KCNMA1: variants seen among roughly 807,000 people sequenced by gnomAD.
KCNMA1 encodes potassium calcium-activated channel subfamily M alpha 1.
In KCNMA1, 29 loss-of-function variants were observed where a neutral mutation model predicts 140.0. That is an observed-to-expected ratio of 0.21 (90% confidence interval 0.15 to 0.28). KCNMA1 has a LOEUF of 0.28. KCNMA1 is among the 10% of genes least tolerant of loss of function. KCNMA1 has a pLI of 1.00. For missense variants in KCNMA1, 880 were observed against 1,602.2 expected, an observed-to-expected ratio of 0.55 and a Z score of 7.70; for synonymous variants, 612 against 611.9, an observed-to-expected ratio of 1.00 and a Z score of 0.00.
At chr10:77,301,766 AAATGTTT>A (rs1471610655) in intron 2 of KCNMA1, among the ~76,000 whole-genome samples, 8 of 151,058 alleles carry the variant, frequency 5.3e-5, no homozygotes, top group Admixed American at 4.0e-4. Context: ...ATTGGGCACT[AAATGTTT>A]AATTCTCTGA....
At chr10:77,118,482 C>T (rs1034303668) in intron 6 of KCNMA1, among the ~76,000 whole-genome samples, 7 of 152,152 alleles carry the variant, frequency 4.6e-5, no homozygotes, top group African/African-American at 1.2e-4. Flanking sequence ...CCCTCTTAAC[C>T]TCATCCTCCT....
At chr10:77,260,148 G>A (rs756062908) in intron 2 of KCNMA1, among the ~76,000 whole-genome samples, 2 of 152,136 alleles carry the variant, frequency 1.3e-5, no homozygotes, top group Non-Finnish European at 2.9e-5. Context: ...AGAGCACCGC[G>A]GTGGTAGAGG....
At chr10:77,265,380 T>A (rs1054755613) in intron 2 of KCNMA1, among the ~76,000 whole-genome samples, 7 of 152,210 alleles carry the variant, frequency 4.6e-5, no homozygotes, top group African/African-American at 1.7e-4. Context: ...AAGTTTCAGG[T>A]GATGCTGATG....
At chr10:77,171,251 C>T (rs2098702617) in intron 5 of KCNMA1, among the ~76,000 whole-genome samples, 2 of 152,158 alleles carry the variant, frequency 1.3e-5, no homozygotes. Context: ...TTAACCAGAC[C>T]TCTAGGTGAC....
At chr10:76,987,772 C>T (rs979586219) in intron 19 of KCNMA1, among the ~76,000 whole-genome samples, 5 of 149,066 alleles carry the variant, frequency 3.4e-5, no homozygotes, top group African/African-American at 7.4e-5. Context: ...ATGTGGAGAA[C>T]GGAACTAGGG....
At chr10:76,973,218 C>T (rs2076580730) in intron 19 of KCNMA1, 1 of 152,180 alleles carries the variant, frequency 6.6e-6, no homozygotes. Context: ...TTTAAAGAAA[C>T]CTGACTTCTT....
chr10:77,404,339 C>A (rs937553894), intron 1 of KCNMA1, among the ~76,000 whole-genome samples: 1 of 152,006 alleles, frequency 6.6e-6, no homozygotes, highest in Non-Finnish European at 1.5e-5. Context: ...AGTGCAGTGG[C>A]GCAATCTCGG....
chr10:77,502,574 G>A (rs2044302761), intron 1 of KCNMA1, among the ~76,000 whole-genome samples: 1 of 152,100 alleles, frequency 6.6e-6, no homozygotes, highest in Non-Finnish European at 1.5e-5. Flanking sequence ...TGATTTGGAA[G>A]GAGAAAGAAG....
chr10:77,448,509 A>G (rs1349502562), intron 1 of KCNMA1, among the ~76,000 whole-genome samples: 1 of 152,176 alleles, frequency 6.6e-6, no homozygotes, highest in Non-Finnish European at 1.5e-5. Context: ...TAGTCACTTT[A>G]CATATGAGAC....
At chr10:77,273,841 TATCACA>T (rs1555118668) in intron 2 of KCNMA1, among the ~76,000 whole-genome samples, 21 of 152,284 alleles carry the variant, frequency 1.4e-4, no homozygotes, top group Non-Finnish European at 2.9e-4. Context: ...GCACAGGGGC[TATCACA>T]GAGAACACAT....
At chr10:76,906,719 A>G (rs1418286734) in intron 25 of KCNMA1, among the ~76,000 whole-genome samples, 1 of 152,204 alleles carries the variant, frequency 6.6e-6, no homozygotes, top group Non-Finnish European at 1.5e-5. Context: ...CACTTTCTCA[A>G]TTTATATTCA....
intron 20 of KCNMA1, among the ~76,000 whole-genome samples, chr10:76,967,595 TG>T (rs1371002963): frequency 6.6e-6 from 1 of 152,156 alleles, no homozygotes; most frequent in Non-Finnish European, 1.5e-5. Flanking sequence ...ATGGAGAATG[TG>T]GAGCACCTGG....
chr10:76,977,435 T>C, intron 19 of KCNMA1: 1 of 649,062 alleles, frequency 1.5e-6, no homozygotes, highest in Non-Finnish European at 2.8e-6. Context: ...ATAGCCACAG[T>C]TGTTGGTTTA....
At chr10:77,324,790 T>C (rs578175707) in intron 2 of KCNMA1, among the ~76,000 whole-genome samples, 2 of 152,164 alleles carry the variant, frequency 1.3e-5, no homozygotes, top group African/African-American at 2.4e-5. Context: ...TGTTGGTAGC[T>C]GGAAAGCCAG....
chr10:76,885,972 G>A lies in KCNMA1; in HGVS notation c.*1294C>T. 1.0e-6 allele frequency: 1 copy of A among 985,402 alleles called. No homozygotes were observed. The highest frequency in any genetic ancestry group is 1.2e-6 in the Non-Finnish European group (1 of 829,920). 61.0% of individuals were successfully genotyped at this position (985,402 alleles called of 1,614,324 possible). ...TGCCGTCATTACCCTGCCTAAATTG[G>A]CTACATTAAAGAAAGTGATGATGAG... On this transcript the variant is annotated 3_prime_UTR_variant, in exon 28 of 28. Transcript: ENST00000286628.
In KCNMA1 at chr10:77,082,007, C is replaced by CTTTTTTTTTTTTTTT. The variant is rs201288668; in HGVS notation, c.1524-2472_1524-2458dup. 7.1e-4 allele frequency among the ~76,000 whole-genome samples: 23 copies of CTTTTTTTTTTTTTTT among 32,512 alleles called. 2 individuals carry two copies. Among genetic ancestry groups the CTTTTTTTTTTTTTTT allele is most frequent in the East Asian group, 6.8e-3 (14 of 2,052 alleles). 21.3% of individuals were successfully genotyped at this position (32,512 alleles called of 152,430 possible). On this transcript the variant is annotated intron_variant, in intron 12 of 27. Transcript: ENST00000286628. Reference sequence around the variant, plus strand: ...GACCAGTAATTTCTTTTTTTCTTTTCTTTTTTTTTTTTTTTTTTTTTTTTT... The same window carrying CTTTTTTTTTTTTTTT: ...GACCAGTAATTTCTTTTTTTCTTTTCTTTTTTTTTTTTTTTTTTTTTTTTTTTTTTTTTTTTTTTT...
chr10:77,208,182 T>C (rs536043821), intron 3 of KCNMA1, among the ~76,000 whole-genome samples: 2 of 152,346 alleles, frequency 1.3e-5, no homozygotes, highest in East Asian at 3.9e-4. Flanking sequence ...TAGATGAGAA[T>C]GAATATTTGG....
At chr10:76,931,680 G>A (rs78033611) in intron 23 of KCNMA1, among the ~76,000 whole-genome samples, 3,046 of 152,186 alleles carry the variant, frequency 0.02, 112 homozygotes, top group African/African-American at 0.069. Context: ...CTGTCAGCGA[G>A]CTGTCCCAAT....
chr10:77,206,914 A>T (rs1404344393), intron 3 of KCNMA1, among the ~76,000 whole-genome samples: 1 of 152,070 alleles, frequency 6.6e-6, no homozygotes, highest in Non-Finnish European at 1.5e-5. Context: ...TGTTATTAGG[A>T]TCAGGCTGCT....
Sources: gnomAD v4.1 joint callset for allele counts (sites outside exome capture counted in the v4.1 genomes callset) on GRCh38, gnomAD v4.1.1 for gene constraint, MANE v1.5 for transcripts, NCBI Gene and HGNC (gene_info 2026-07-23, HGNC 2026-07-21) for gene names.